NUF2: variants seen among roughly 807,000 people sequenced by gnomAD.
NUF2 encodes the protein kinetochore protein Nuf2.
NUF2 carries 34 observed loss-of-function variants against 61.8 expected under a neutral mutation model. The observed-to-expected ratio is 0.55, with a 90% CI of 0.42 to 0.73. The LOEUF (loss-of-function observed/expected upper bound fraction) is 0.73. Among genes scored for constraint, NUF2 ranks in the 30% least tolerant of loss-of-function variants. The pLI, the probability that NUF2 is intolerant of heterozygous loss-of-function variation, is 0.00. For synonymous variants in NUF2, 172 were observed against 181.6 expected, an observed-to-expected ratio of 0.95 and a Z score of 0.42; for missense variants, 445 against 539.1, an observed-to-expected ratio of 0.83 and a Z score of 1.73.
At chr1:163,335,336 G>A (rs1650722640) in intron 5 of NUF2, among the ~76,000 whole-genome samples, 1 of 152,140 alleles carries the variant, frequency 6.6e-6, no homozygotes. Context: ...GATACTGAGG[G>A]ACTACAGTAT....
At chr1:163,340,716 G>A (rs1256379144) in intron 9 of NUF2, among the ~76,000 whole-genome samples, 1 of 152,088 alleles carries the variant, frequency 6.6e-6, no homozygotes, top group Non-Finnish European at 1.5e-5. Context: ...TTACATAAAT[G>A]ATATTAGGCT....
intron 11 of NUF2, among the ~76,000 whole-genome samples, chr1:163,347,521 T>A (rs1651172493): frequency 6.6e-6 from 1 of 152,202 alleles, no homozygotes; most frequent in South Asian, 2.1e-4. Flanking sequence ...CATGTCTCCC[T>A]TTCAGTCTGT....
chr1:163,331,757 T>C (rs1434250727), intron 5 of NUF2, among the ~76,000 whole-genome samples: 1 of 152,026 alleles, frequency 6.6e-6, no homozygotes, highest in African/African-American at 2.4e-5. Flanking sequence ...AATTTTTAGG[T>C]TGGCAAATTT....
intron 1 of NUF2, chr1:163,323,129 T>C (rs371432841): frequency 4.6e-5 from 7 of 152,336 alleles, no homozygotes; most frequent in African/African-American, 1.4e-4. Context: ...ACAAATATTA[T>C]ATGATGCGTT....
rs575288469 is a variant in NUF2, at chr1:163,341,596, A to G, written c.669+1170A>G. 4.6e-5 allele frequency among the ~76,000 whole-genome samples: 7 copies of G among 151,792 alleles called. No individual in the cohort carries two copies. In the East Asian group the frequency reaches 1.4e-3, roughly 29 times the overall value. On this transcript the variant is annotated intron_variant, in intron 9 of 13. Transcript: ENST00000271452. ...TTTCTTGTTATTTCTTATTTTGTAT[A>G]TTGTTTGTGTACCTTGTTTATTTAT... is the stretch of plus-strand genomic sequence containing the variant.
intron 1 of NUF2, 119 bp from the exon 2 acceptor site, chr1:163,325,913 A>G (rs926224875): frequency 1.2e-5 from 7 of 605,108 alleles, no homozygotes; most frequent in African/African-American, 1.1e-4. Flanking sequence ...ATATTTGATG[A>G]TAGTTAACAC....
At chr1:163,348,178 A>C (rs1314312216) in intron 12 of NUF2, among the ~76,000 whole-genome samples, 2 of 152,110 alleles carry the variant, frequency 1.3e-5, no homozygotes, top group Non-Finnish European at 2.9e-5. Flanking sequence ...CCTTTGCATC[A>C]TTCTTCAGAA....
intron 13 of NUF2, among the ~76,000 whole-genome samples, chr1:163,351,918 A>G (rs1258700034): frequency 3.3e-5 from 5 of 152,038 alleles, no homozygotes; most frequent in Non-Finnish European, 7.4e-5. Context: ...TCTAGTTTCA[A>G]TTATTATCTT....
chr1:163,338,156 G>C, intron 7 of NUF2, 63 bp downstream of exon 7: 1 of 1,214,668 alleles, frequency 8.2e-7, no homozygotes, highest in Non-Finnish European at 1.2e-6. Flanking sequence ...ATTGTAAGTA[G>C]TATTTTACAA....
intron 13 of NUF2, 99 bp from the exon 14 acceptor site, chr1:163,355,216 CATAAGAATTTAGGCTTTAAA>C (rs1651449138): frequency 8.4e-6 from 6 of 713,266 alleles, no homozygotes; most frequent in Non-Finnish European, 1.3e-5. Flanking sequence ...TGTGTGTGTG[CATAAGAATTTAGGCTTTAAA>C]ATATTAATAA....
chr1:163,328,190 C>G, intron 3 of NUF2, 38 bp from the exon 4 acceptor site: 1 of 1,325,184 alleles, frequency 7.5e-7, no homozygotes, highest in Non-Finnish European at 1.1e-6. Context: ...TTTGTCTAAT[C>G]AATGTGTAAT....
At chr1:163,335,791 C>T (rs1422129835) in intron 5 of NUF2, among the ~76,000 whole-genome samples, 1 of 151,774 alleles carries the variant, frequency 6.6e-6, no homozygotes, top group Non-Finnish European at 1.5e-5. Context: ...TCATTTTTTT[C>T]TCTCTGGACT....
chr1:163,327,456 A>T (rs755975103), intron 2 of NUF2, 32 bp from the exon 3 acceptor site: 1 of 1,175,724 alleles, frequency 8.5e-7, no homozygotes, highest in East Asian at 2.3e-5. Flanking sequence ...AGAGTTATGC[A>T]TCGGAGTATT....
In NUF2 at chr1:163,322,017, G is replaced by A. The variant is rs1159740436; in HGVS notation, c.-216G>A. ...CGTTTGCTGATTTTTGACTTTGCTT[G>A]TAGCTGCTCCCCGAACTCGCCGTCT... On this transcript the variant is annotated 5_prime_UTR_variant, in exon 1 of 14. Coordinates refer to ENST00000271452, the MANE Select transcript of NUF2 (RefSeq NM_145697.3). 6.6e-6 allele frequency: 1 copy of A among 152,292 alleles called. No individual in the cohort carries two copies. The highest frequency in any genetic ancestry group is 1.5e-5 in the Non-Finnish European group (1 of 68,150). 9.4% of individuals were successfully genotyped at this position (152,292 alleles called of 1,614,324 possible).
chr1:163,337,193 A>G (rs1212462275), intron 6 of NUF2, among the ~76,000 whole-genome samples: 15 of 152,090 alleles, frequency 9.9e-5, no homozygotes, highest in Admixed American at 9.2e-4. Flanking sequence ...CTTTTATTAA[A>G]TAACGGACAT....
intron 1 of NUF2, among the ~76,000 whole-genome samples, chr1:163,323,426 T>C (rs913206497): frequency 1.3e-5 from 2 of 152,154 alleles, no homozygotes; most frequent in Non-Finnish European, 2.9e-5. Context: ...TTCCAAAAGA[T>C]CCCAGCTCTG....
rs1189493432 is a variant in NUF2 at position 163,345,749 on chromosome 1, G to A, written c.879G>A (p.Val293=). The part of the protein sequence containing the change: ...VDCLPSCQLE[V]QLYQKKIQDL... ...GCCTGCCTTCATGTCAGTTGGAAGTGCAGTTATATCAAAAGAAAATACAGG... is the reference window on the plus strand; with the variant it reads ...GCCTGCCTTCATGTCAGTTGGAAGTACAGTTATATCAAAAGAAAATACAGG... The change falls in exon 11 of 14, where the codon GTG becomes GTA. Residue 293 remains valine, a synonymous_variant. Transcript: ENST00000271452. The A allele has an allele frequency of 2.5e-6, 4 of 1,609,798 alleles. No homozygotes were observed. Among genetic ancestry groups the A allele is most frequent in the South Asian group, 1.1e-5 (1 of 90,966 alleles).
At chr1:163,330,032 G>T (rs1490841906) in intron 5 of NUF2, among the ~76,000 whole-genome samples, 1 of 152,132 alleles carries the variant, frequency 6.6e-6, no homozygotes, top group Non-Finnish European at 1.5e-5. Context: ...CACTGGTTAG[G>T]GGTGAGGGAG....
intron 13 of NUF2, among the ~76,000 whole-genome samples, chr1:163,353,322 G>A (rs1651386389): frequency 6.6e-6 from 1 of 152,302 alleles, no homozygotes; most frequent in South Asian, 2.1e-4. Context: ...CATGGATAGT[G>A]TATAGTCTTA....
Sources: gnomAD v4.1 joint callset for allele counts (sites outside exome capture counted in the v4.1 genomes callset) on GRCh38, gnomAD v4.1.1 for gene constraint, MANE v1.5 for transcripts, NCBI Gene and HGNC (gene_info 2026-07-23, HGNC 2026-07-21) for gene names.